Variants in C7 observed in about 807,000 individuals in gnomAD.
C7 encodes complement component C7.
A neutral mutation model predicts 104.8 loss-of-function variants in C7; 83 were observed. The observed-to-expected ratio is 0.79, with a 90% CI of 0.66 to 0.95. The LOEUF (loss-of-function observed/expected upper bound fraction) is 0.95. Ranked by LOEUF, C7 falls within the 40% of genes least tolerant of loss-of-function variation. The pLI is 0.00. For missense variants in C7, 1,070 were observed against 1,011.2 expected (o/e 1.06, Z -0.79); for synonymous variants, 415 against 360.6 (o/e 1.15, Z -1.71).
chr5:40,953,122 A>T (rs534480477), intron 9 of C7, among the ~76,000 whole-genome samples: 5 of 152,302 alleles, frequency 3.3e-5, no homozygotes, highest in Admixed American at 1.3e-4. Flanking sequence ...GTTACTGTAT[A>T]TATTGAAAAC....
intron 3 of C7, among the ~76,000 whole-genome samples, chr5:40,933,246 C>T (rs1469319321): frequency 1.3e-5 from 2 of 152,298 alleles, no homozygotes; most frequent in East Asian, 3.9e-4. Flanking sequence ...GGAATTCCCA[C>T]TTCTAACCCA....
intron 1 of C7, among the ~76,000 whole-genome samples, chr5:40,916,697 A>G (rs1244271121): frequency 1.3e-5 from 2 of 152,028 alleles, no homozygotes; most frequent in Admixed American, 6.6e-5. Context: ...GGATTGTACC[A>G]AATTTTTATT....
chr5:40,934,774 G>T (rs1010860544), intron 4 of C7, among the ~76,000 whole-genome samples: 8 of 152,106 alleles, frequency 5.3e-5, no homozygotes, highest in Non-Finnish European at 1.2e-4. Context: ...AGTGAGTCTT[G>T]TACATATATT....
At chr5:40,957,105 A>G (rs766093558) in intron 10 of C7, among the ~76,000 whole-genome samples, 2 of 152,212 alleles carry the variant, frequency 1.3e-5, no homozygotes, top group Non-Finnish European at 2.9e-5. Context: ...TCAGGAACCA[A>G]TGGTGCATAT....
At chr5:40,976,604 A>T in intron 15 of C7, 146 bp from the exon 16 acceptor site, 1 of 525,048 alleles carries the variant, frequency 1.9e-6, no homozygotes, top group Non-Finnish European at 3.4e-6. Context: ...AATGTATCAC[A>T]CCTTGATTAT....
intron 17 of C7, 110 bp downstream of exon 17, chr5:40,980,019 T>A: frequency 1.1e-6 from 1 of 936,058 alleles, no homozygotes; most frequent in East Asian, 2.7e-5. Flanking sequence ...TACTTGAGGA[T>A]GTTAAAGACT....
chr5:40,936,495 T>TG lies in C7; in HGVS notation c.428+13dup. ...AACTTACTGGAAATGGGTAAGGTGC[T>TG]GGGCAGCCTCCTGAGTACATCAGTG... On this transcript the variant is annotated intron_variant, in intron 5 of 17. Coordinates refer to ENST00000313164, the MANE Select transcript of C7 (RefSeq NM_000587.4). 6.2e-7 allele frequency: 1 copy of TG among 1,611,412 alleles called. No homozygotes were observed. The highest frequency in any genetic ancestry group is 8.5e-7 in the Non-Finnish European group (1 of 1,178,686).
At chr5:40,920,093 T>A (rs984929149) in intron 1 of C7, among the ~76,000 whole-genome samples, 6 of 151,798 alleles carry the variant, frequency 4.0e-5, no homozygotes, top group African/African-American at 1.2e-4. Flanking sequence ...TAGATTAATT[T>A]AAAAAAAAGA....
intron 15 of C7, among the ~76,000 whole-genome samples, chr5:40,976,441 T>G (rs1740821679): frequency 6.6e-6 from 1 of 152,172 alleles, no homozygotes; most frequent in South Asian, 2.1e-4. Context: ...TACTCTTAAT[T>G]TTCTGATTTC....
At position 40,936,349 on chromosome 5, in the gene C7, A is replaced by C; in HGVS notation, c.292A>C (p.Ser98Arg). Residue 98 changes from serine to arginine, a missense_variant, in exon 5 of 18, where the codon AGC (serine) becomes CGC (arginine). Physicochemically the swap from Ser to Arg is moderately radical, Grantham distance 110 (BLOSUM62 -1). Coordinates refer to ENST00000313164, the MANE Select transcript of C7 (RefSeq NM_000587.4). ...TCTCTGGTGTTCAGGTCAGTGCATC[A>C]GCAAATCATTGGTTTGCAATGGGGA... The part of the protein sequence containing the change: ...RFRCFSGQCI[S>R]KSLVCNGDSD... 6.2e-7 allele frequency: 1 copy of C among 1,613,286 alleles called. No homozygotes were observed. The highest frequency in any genetic ancestry group is 8.5e-7 in the Non-Finnish European group (1 of 1,179,434).
chr5:40,914,620 CA>C (rs1739281625), intron 1 of C7, among the ~76,000 whole-genome samples: 1 of 152,054 alleles, frequency 6.6e-6, no homozygotes, highest in African/African-American at 2.4e-5. Flanking sequence ...GTTTTCAATC[CA>C]TGTTGAGTTG....
chr5:40,949,034 C>G (rs980936446), intron 8 of C7, among the ~76,000 whole-genome samples: 3 of 151,934 alleles, frequency 2.0e-5, no homozygotes, highest in African/African-American at 7.2e-5. Context: ...GACAAGGACA[C>G]TATTTCTTTG....
chr5:40,916,133 G>A (rs1461113356), intron 1 of C7, among the ~76,000 whole-genome samples: 1 of 149,142 alleles, frequency 6.7e-6, no homozygotes, highest in African/African-American at 2.6e-5. Context: ...ATATATAATA[G>A]AAACTACCTA....
At chr5:40,928,022 C>G (rs926601256) in intron 1 of C7, among the ~76,000 whole-genome samples, 2 of 152,110 alleles carry the variant, frequency 1.3e-5, no homozygotes, top group African/African-American at 4.8e-5. Flanking sequence ...TGTCCCTCAA[C>G]AGATGAATGG....
intron 6 of C7, among the ~76,000 whole-genome samples, chr5:40,942,457 A>C (rs1739960101): frequency 1.3e-5 from 2 of 152,152 alleles, no homozygotes; most frequent in African/African-American, 4.8e-5. Flanking sequence ...AGAAGGAAAG[A>C]AAAGTTAATA....
At chr5:40,961,390 CTT>C (rs34613494) in intron 12 of C7, among the ~76,000 whole-genome samples, 2 of 147,188 alleles carry the variant, frequency 1.4e-5, no homozygotes, top group African/African-American at 2.5e-5. Flanking sequence ...TTACCTTCTT[CTT>C]TTTTTTTTTT....
At chr5:40,968,533 A>G (rs1292899359) in intron 14 of C7, among the ~76,000 whole-genome samples, 2 of 133,652 alleles carry the variant, frequency 1.5e-5, no homozygotes, top group South Asian at 5.0e-4. Context: ...AATTTTATCA[A>G]TTTTATTTTT....
chr5:40,923,761 T>G (rs1579840613), intron 1 of C7, among the ~76,000 whole-genome samples: 3 of 147,762 alleles, frequency 2.0e-5, no homozygotes, highest in African/African-American at 7.5e-5. Context: ...AAAAAAAAAG[T>G]ATGCGAGAGG....
chr5:40,964,580 C>T (rs2455304), intron 13 of C7, 161 bp from the exon 14 acceptor site: 447,233 of 580,862 alleles, frequency 0.77, 173,111 homozygotes, highest in East Asian at 0.92. Context: ...GCTAGTGTTA[C>T]TAACTATATA....
Sources: allele counts gnomAD v4.1 joint callset (sites outside exome capture counted in the v4.1 genomes callset), GRCh38; gene constraint gnomAD v4.1.1; transcripts MANE v1.5; gene names NCBI Gene and HGNC (gene_info 2026-07-23, HGNC 2026-07-21).